CDKAL1: variants seen among roughly 807,000 people sequenced by gnomAD.
The protein encoded by CDKAL1 is threonylcarbamoyladenosine tRNA methylthiotransferase.
Under a neutral mutation model 68.2 loss-of-function variants are expected in CDKAL1, and 32 were observed. That is an observed-to-expected ratio of 0.47 (90% CI 0.35 to 0.63). CDKAL1 has a LOEUF of 0.63. CDKAL1 is among the 30% of genes least tolerant of loss of function. The pLI is 0.00. For missense variants in CDKAL1, 606 were observed against 696.7 expected, an observed-to-expected ratio of 0.87 and a Z score of 1.47; for synonymous variants, 234 against 244.3, an observed-to-expected ratio of 0.96 and a Z score of 0.39.
At chr6:20,987,057 G>A (rs949185373) in intron 10 of CDKAL1, among the ~76,000 whole-genome samples, 64 of 152,260 alleles carry the variant, frequency 4.2e-4, no homozygotes, top group African/African-American at 1.5e-3. Context: ...ACAAAGATGT[G>A]TAAGCTGATT....
chr6:21,060,832 G>C (rs919058545), intron 11 of CDKAL1, among the ~76,000 whole-genome samples: 4 of 151,924 alleles, frequency 2.6e-5, no homozygotes, highest in Admixed American at 2.6e-4. Context: ...CATGTGTTTT[G>C]TTTATGTCTA....
chr6:20,638,930 C>A (rs1768035627), intron 4 of CDKAL1, among the ~76,000 whole-genome samples: 1 of 152,038 alleles, frequency 6.6e-6, no homozygotes, highest in African/African-American at 2.4e-5. Flanking sequence ...CCGCGCCCGG[C>A]CTAGGGATTC....
intron 15 of CDKAL1, among the ~76,000 whole-genome samples, chr6:21,224,497 G>A (rs1385360093): frequency 6.6e-6 from 1 of 152,150 alleles, no homozygotes; most frequent in Non-Finnish European, 1.5e-5. Context: ...CTGGGTGACA[G>A]AGTGAGACTC....
At chr6:20,857,424 T>G (rs925893836) in intron 9 of CDKAL1, among the ~76,000 whole-genome samples, 6 of 152,230 alleles carry the variant, frequency 3.9e-5, no homozygotes, top group African/African-American at 1.4e-4. Context: ...TGACTTTTAG[T>G]TAAGGAAGAG....
chr6:20,644,203 C>T (rs996712517), intron 4 of CDKAL1, among the ~76,000 whole-genome samples: 1 of 151,286 alleles, frequency 6.6e-6, no homozygotes. Context: ...CTGTAAACTC[C>T]CTGAGGGTAG....
At chr6:20,730,507 A>G (rs1772870184) in intron 5 of CDKAL1, among the ~76,000 whole-genome samples, 1 of 151,860 alleles carries the variant, frequency 6.6e-6, no homozygotes, top group Non-Finnish European at 1.5e-5. Flanking sequence ...AGAAAGAAAG[A>G]AAGAAAGAGA....
chr6:20,545,078 A>T (rs142137464), intron 2 of CDKAL1, among the ~76,000 whole-genome samples: 244 of 151,964 alleles, frequency 1.6e-3, no homozygotes, highest in Middle Eastern at 3.4e-3. Flanking sequence ...TTTAACGAGA[A>T]AGCAGGCTTT....
intron 5 of CDKAL1, among the ~76,000 whole-genome samples, chr6:20,710,263 C>T (rs550933460): frequency 6.5e-4 from 99 of 152,142 alleles, no homozygotes; most frequent in Admixed American, 1.0e-3. Context: ...TAGGTACAGT[C>T]ATGTGTCCCA....
chr6:20,540,075 G>GTTTTTTTTTT (rs1763327687), intron 2 of CDKAL1, among the ~76,000 whole-genome samples: 9 of 111,396 alleles, frequency 8.1e-5, no homozygotes, highest in African/African-American at 3.5e-4. Flanking sequence ...GATTGGGATT[G>GTTTTTTTTTT]TCTTTTTTTT....
chr6:21,201,829 C>T (rs536998081), intron 15 of CDKAL1, among the ~76,000 whole-genome samples: 19 of 151,852 alleles, frequency 1.3e-4, no homozygotes, highest in African/African-American at 4.1e-4. Context: ...TAAATATGGC[C>T]GTTTGCCAAG....
intron 4 of CDKAL1, among the ~76,000 whole-genome samples, chr6:20,623,547 G>A (rs1262468795): frequency 1.3e-5 from 2 of 152,024 alleles, no homozygotes; most frequent in Non-Finnish European, 2.9e-5. Flanking sequence ...AAATCTTATT[G>A]CTATAGTTTA....
chr6:20,553,337 C>T (rs1316731524), intron 4 of CDKAL1, among the ~76,000 whole-genome samples: 2 of 151,996 alleles, frequency 1.3e-5, no homozygotes, highest in African/African-American at 4.8e-5. Context: ...GGCAAAACCC[C>T]GTCTCTACTA....
At chr6:21,093,804 C>T (rs1773180019) in intron 12 of CDKAL1, among the ~76,000 whole-genome samples, 1 of 144,568 alleles carries the variant, frequency 6.9e-6, no homozygotes. Context: ...TCACTGCAAC[C>T]TTGAACTCCC....
chr6:21,007,123 G>A (rs1767768142), intron 11 of CDKAL1, among the ~76,000 whole-genome samples: 1 of 152,086 alleles, frequency 6.6e-6, no homozygotes, highest in Non-Finnish European at 1.5e-5. Context: ...TAAAACAAAT[G>A]TCAGGGTTCG....
chr6:20,942,337 A>G (rs573685966), intron 9 of CDKAL1, among the ~76,000 whole-genome samples: 1 of 139,854 alleles, frequency 7.2e-6, no homozygotes, highest in African/African-American at 2.6e-5. Context: ...AAAATATGTT[A>G]TTATTTTTGC....
intron 4 of CDKAL1, among the ~76,000 whole-genome samples, chr6:20,577,923 G>A (rs1055590719): frequency 1.6e-4 from 25 of 152,178 alleles, no homozygotes; most frequent in African/African-American, 6.0e-4. Context: ...CCAGTGATCA[G>A]AACTCAGAGA....
In CDKAL1 at chr6:20,919,418, C is replaced by T. The variant is rs141122769; in HGVS notation, c.743-36001C>T. Among the ~76,000 whole-genome samples, 15 of 152,198 alleles carry T rather than the reference C, an allele frequency of 9.9e-5. No individual in the cohort carries two copies. The East Asian group carries it at 2.9e-3, about 29-fold the overall frequency. Reference sequence around the variant, plus strand: ...TGTTTAATACTTAAGTTCTGGGGTACGTGTGCAGAACATGCAGTTTTGTTA... The same window carrying T: ...TGTTTAATACTTAAGTTCTGGGGTATGTGTGCAGAACATGCAGTTTTGTTA... On this transcript the variant is annotated intron_variant, in intron 9 of 15. Transcript: ENST00000274695.
Position 21,222,916 on chromosome 6 carries a change from T to C in CDKAL1, c.1549-7932T>C, listed in dbSNP as rs1779587916. On this transcript the variant is annotated intron_variant, in intron 15 of 15. Coordinates refer to ENST00000274695, the MANE Select transcript of CDKAL1 (RefSeq NM_017774.3). ...TTAAAACACATTTTGCAACGTGTTC[T>C]CATGTGAGCGCATCAAGTGTGTGTG... 2.6e-5 allele frequency among the ~76,000 whole-genome samples: 4 copies of C among 152,218 alleles called. No individual in the cohort carries two copies. The South Asian group carries it at 8.4e-4, about 32-fold the overall frequency.
chr6:20,810,627 G>GGTGTGTGTGTGT (rs57000695), intron 8 of CDKAL1, among the ~76,000 whole-genome samples: 1 of 134,672 alleles, frequency 7.4e-6, no homozygotes, highest in Non-Finnish European at 1.6e-5. Context: ...TGTATGTATG[G>GGTGTGTGTGTGT]GTGTGTGTGT....
Sources: gnomAD v4.1 joint callset for allele counts (sites outside exome capture counted in the v4.1 genomes callset) on GRCh38, gnomAD v4.1.1 for gene constraint, MANE v1.5 for transcripts, NCBI Gene and HGNC (gene_info 2026-07-23, HGNC 2026-07-21) for gene names.